Variants in FAM135B observed in about 807,000 individuals in gnomAD.
The protein encoded by FAM135B is family with sequence similarity 135 member B.
A neutral mutation model predicts 127.7 loss-of-function variants in FAM135B; 43 were observed. The ratio of observed to expected loss-of-function variants is 0.34; its 90% CI spans 0.26 to 0.43. The LOEUF (loss-of-function observed/expected upper bound fraction) is 0.43, where lower values mean the gene tolerates loss of function less well. FAM135B is among the 20% of genes least tolerant of loss of function. The pLI is 1.00. For missense variants in FAM135B, 1,558 were observed against 1,725.6 expected, an observed-to-expected ratio of 0.90 and a Z score of 1.72; for synonymous variants, 670 against 665.1, an observed-to-expected ratio of 1.01 and a Z score of -0.11.
At chr8:138,158,726 T>C (rs539465642) in intron 12 of FAM135B, among the ~76,000 whole-genome samples, 3 of 152,116 alleles carry the variant, frequency 2.0e-5, no homozygotes, top group Admixed American at 2.0e-4. Context: ...GAAATGCAAA[T>C]CAAAACCACA....
intron 6 of FAM135B, 88 bp downstream of exon 6, chr8:138,250,753 G>A: frequency 6.9e-7 from 1 of 1,440,660 alleles, no homozygotes; most frequent in South Asian, 1.3e-5. Flanking sequence ...TGCGTGTGCT[G>A]ATCTCTCCTG....
intron 1 of FAM135B, among the ~76,000 whole-genome samples, chr8:138,394,362 T>TC (rs1254398185): frequency 6.6e-6 from 1 of 151,876 alleles, no homozygotes; most frequent in Non-Finnish European, 1.5e-5. Context: ...TCTCCTTCAA[T>TC]CCCCCATTAA....
intron 11 of FAM135B, among the ~76,000 whole-genome samples, chr8:138,173,590 G>C (rs1474668460): frequency 6.6e-6 from 1 of 152,184 alleles, no homozygotes; most frequent in Non-Finnish European, 1.5e-5. Flanking sequence ...AACGCACTCA[G>C]TTTCTGATCA....
chr8:138,194,308 G>GCCT (rs1563753855), intron 9 of FAM135B, among the ~76,000 whole-genome samples: 1 of 152,118 alleles, frequency 6.6e-6, no homozygotes, highest in African/African-American at 2.4e-5. Context: ...CTCTGTCTCT[G>GCCT]CCTCCGCATT....
chr8:138,145,471 G>T (rs1817571037), intron 15 of FAM135B, among the ~76,000 whole-genome samples: 1 of 152,158 alleles, frequency 6.6e-6, no homozygotes, highest in Non-Finnish European at 1.5e-5. Flanking sequence ...TGTCCTGTGA[G>T]GAGATGGTGG....
intron 4 of FAM135B, among the ~76,000 whole-genome samples, chr8:138,263,117 G>A (rs752498542): frequency 3.6e-4 from 54 of 152,080 alleles, no homozygotes; most frequent in Non-Finnish European, 7.5e-4. Flanking sequence ...TTAACAACTG[G>A]CTCTCTGAAG....
intron 2 of FAM135B, chr8:138,367,506 C>T: frequency 2.2e-6 from 1 of 453,604 alleles, no homozygotes; most frequent in South Asian, 1.6e-5. Context: ...ACAAGTGTTA[C>T]AATACGTGGT....
intron 1 of FAM135B, among the ~76,000 whole-genome samples, chr8:138,467,066 C>G (rs1243276711): frequency 6.6e-6 from 1 of 152,154 alleles, no homozygotes; most frequent in Non-Finnish European, 1.5e-5. Flanking sequence ...AAAACAAACT[C>G]CGAATCAGTC....
chr8:138,194,731 C>A (rs572327039), intron 9 of FAM135B, among the ~76,000 whole-genome samples: 1 of 152,316 alleles, frequency 6.6e-6, no homozygotes, highest in Admixed American at 6.5e-5. Flanking sequence ...ATATCTAACA[C>A]AAGGGGGATG....
chr8:138,245,701 G>T (rs1821224703), intron 6 of FAM135B, among the ~76,000 whole-genome samples: 1 of 152,138 alleles, frequency 6.6e-6, no homozygotes, highest in Non-Finnish European at 1.5e-5. Context: ...CACAGAGAGT[G>T]GGGTGTTGCT....
chr8:138,334,775 T>A (rs1415222869), intron 2 of FAM135B, among the ~76,000 whole-genome samples: 1 of 152,218 alleles, frequency 6.6e-6, no homozygotes, highest in Non-Finnish European at 1.5e-5. Flanking sequence ...AACCACATTT[T>A]CTTTATCCAA....
Position 138,241,059 on chromosome 8 carries a change from G to A in FAM135B, c.669+1883C>T, listed in dbSNP as rs576311469. 6.6e-6 allele frequency among the ~76,000 whole-genome samples: 1 copy of A among 152,134 alleles called. No homozygotes were observed. Among genetic ancestry groups the A allele is most frequent in the Admixed American group, 6.5e-5 (1 of 15,298 alleles). On this transcript the variant is annotated intron_variant, in intron 7 of 19. Coordinates refer to ENST00000395297, the MANE Select transcript of FAM135B (RefSeq NM_015912.4). The surrounding 1 kb of genome is among the most constrained non-coding windows in gnomAD (Gnocchi z 4.8). ...TGAAACTCTGGGTGCCAGCCCACGT[G>A]GGGGCTGAAGGAAGGAAGACTGGAC...
chr8:138,236,490 C>T (rs1374511452), intron 7 of FAM135B, among the ~76,000 whole-genome samples: 1 of 151,978 alleles, frequency 6.6e-6, no homozygotes, highest in African/African-American at 2.4e-5. Flanking sequence ...GGTATCACAA[C>T]CTTCTTTGGT....
intron 2 of FAM135B, among the ~76,000 whole-genome samples, chr8:138,317,026 T>C (rs894006553): frequency 6.6e-6 from 1 of 151,924 alleles, no homozygotes; most frequent in African/African-American, 2.4e-5. Context: ...AACCCAACAA[T>C]TGCCCTCCTA....
Position 138,429,421 on chromosome 8 carries a change from T to C in FAM135B, c.-19-61419A>G, listed in dbSNP as rs1342475151. ...GCTACCACCATTGTTGGAGAAAAAATGTGGGACGTGTCTGAATCCAAGCCC... is the reference window on the plus strand; with the variant it reads ...GCTACCACCATTGTTGGAGAAAAAACGTGGGACGTGTCTGAATCCAAGCCC... On this transcript the variant is annotated intron_variant, in intron 1 of 19. Coordinates refer to ENST00000395297, the MANE Select transcript of FAM135B (RefSeq NM_015912.4). 2.6e-5 allele frequency among the ~76,000 whole-genome samples: 4 copies of C among 152,124 alleles called. No homozygotes were observed. The East Asian group carries it at 5.8e-4, about 22-fold the overall frequency.
At chr8:138,136,997 G>A (rs759610531) in intron 19 of FAM135B, 150 bp downstream of exon 19, 4 of 613,720 alleles carry the variant, frequency 6.5e-6, no homozygotes, top group Non-Finnish European at 1.2e-5. Context: ...CAGTAACATC[G>A]AGATGAGCTA....
chr8:138,327,050 T>C (rs1049550994), intron 2 of FAM135B, among the ~76,000 whole-genome samples: 1 of 152,204 alleles, frequency 6.6e-6, no homozygotes, highest in Non-Finnish European at 1.5e-5. Context: ...ACCCATATAA[T>C]TGAACACAAT....
At chr8:138,484,697 T>G (rs1303403823) in intron 1 of FAM135B, among the ~76,000 whole-genome samples, 1 of 152,110 alleles carries the variant, frequency 6.6e-6, no homozygotes, top group Admixed American at 6.5e-5. Context: ...ATTATCATTC[T>G]TTTTCTCCAA....
At chr8:138,376,294 T>C (rs748956015) in intron 1 of FAM135B, among the ~76,000 whole-genome samples, 2 of 152,118 alleles carry the variant, frequency 1.3e-5, no homozygotes, top group Non-Finnish European at 2.9e-5. Flanking sequence ...AGTTGTCAGT[T>C]CTCACTATCA....
Sources: allele counts gnomAD v4.1 joint callset (sites outside exome capture counted in the v4.1 genomes callset), GRCh38; gene constraint gnomAD v4.1.1; non-coding constraint Gnocchi (gnomAD v3.1); transcripts MANE v1.5; gene names NCBI Gene and HGNC (gene_info 2026-07-23, HGNC 2026-07-21).